Variants in ERC1 observed in about 807,000 individuals in gnomAD.
The protein encoded by ERC1 is RAB6 interacting protein 2.
A neutral mutation model predicts 132.0 loss-of-function variants in ERC1; 56 were observed. The observed-to-expected ratio is 0.42, with a 90% CI of 0.34 to 0.53. ERC1 has a LOEUF of 0.53. Ranked by LOEUF, ERC1 falls within the 20% of genes least tolerant of loss-of-function variation. ERC1 has a pLI of 0.03. For synonymous variants in ERC1, 478 were observed against 476.1 expected, an observed-to-expected ratio of 1.00 and a Z score of -0.05; for missense variants, 1,202 against 1,349.9, an observed-to-expected ratio of 0.89 and a Z score of 1.72.
chr12:1,080,762 T>A (rs1343241117), intron 2 of ERC1, among the ~76,000 whole-genome samples: 8 of 152,178 alleles, frequency 5.3e-5, no homozygotes, highest in Non-Finnish European at 1.2e-4. Flanking sequence ...CTCAGCCATG[T>A]GGAACTGTAA....
intron 15 of ERC1, among the ~76,000 whole-genome samples, chr12:1,304,884 G>C (rs2080744451): frequency 1.4e-5 from 2 of 141,906 alleles, no homozygotes; most frequent in South Asian, 4.6e-4. Context: ...CCGCCTCCCG[G>C]GTTGACGCCA....
At chr12:1,126,709 G>A (rs573947023) in intron 7 of ERC1, among the ~76,000 whole-genome samples, 1 of 152,244 alleles carries the variant, frequency 6.6e-6, no homozygotes, top group East Asian at 1.9e-4. Context: ...GATGCTTGAG[G>A]CTAGGTGTGG....
At chr12:1,479,116 G>A (rs949868785) in intron 18 of ERC1, among the ~76,000 whole-genome samples, 1 of 152,264 alleles carries the variant, frequency 6.6e-6, no homozygotes, top group Non-Finnish European at 1.5e-5. Context: ...GGGTTTTTCC[G>A]TGTTCTCTTT....
intron 18 of ERC1, among the ~76,000 whole-genome samples, chr12:1,487,863 G>A (rs2094256966): frequency 6.6e-6 from 1 of 151,988 alleles, no homozygotes; most frequent in African/African-American, 2.4e-5. Context: ...AAAAGGCCAG[G>A]CGCGGTGACT....
At chr12:1,385,531 C>T (rs185049226) in intron 16 of ERC1, among the ~76,000 whole-genome samples, 20 of 152,240 alleles carry the variant, frequency 1.3e-4, no homozygotes, top group East Asian at 3.9e-4. Flanking sequence ...TGATAACGCC[C>T]GCCTCAGCCT....
chr12:1,410,243 G>A (rs1369442025), intron 17 of ERC1: 3 of 294,166 alleles, frequency 1.0e-5, no homozygotes, highest in Admixed American at 8.3e-5. Flanking sequence ...AATTTTGATA[G>A]TTTAGGGAAT....
intron 17 of ERC1, among the ~76,000 whole-genome samples, chr12:1,432,564 G>T (rs57695485): frequency 0.06 from 9,081 of 152,308 alleles, 395 homozygotes; most frequent in African/African-American, 0.11. Flanking sequence ...ATTATTCCCA[G>T]TTTACAGATG....
intron 18 of ERC1, among the ~76,000 whole-genome samples, chr12:1,488,476 G>T (rs1006512191): frequency 2.0e-5 from 3 of 152,132 alleles, no homozygotes; most frequent in Non-Finnish European, 4.4e-5. Context: ...GATTACTTGA[G>T]CCTGGGCGTT....
chr12:1,126,133 T>G (rs1347656550), intron 7 of ERC1, among the ~76,000 whole-genome samples: 4 of 152,250 alleles, frequency 2.6e-5, no homozygotes, highest in Non-Finnish European at 5.9e-5. Flanking sequence ...TTTATGTCTG[T>G]ATATCTTACC....
At chr12:1,068,968 TGTTTAAATGGAGAAACA>T (rs1939820939) in intron 2 of ERC1, among the ~76,000 whole-genome samples, 1 of 152,216 alleles carries the variant, frequency 6.6e-6, no homozygotes, top group African/African-American at 2.4e-5. Context: ...AATGGTTGTT[TGTTTAAATGGAGAAACA>T]TAAGGTCTTA....
intron 17 of ERC1, among the ~76,000 whole-genome samples, chr12:1,419,909 A>G (rs1047418364): frequency 4.6e-5 from 7 of 150,812 alleles, no homozygotes; most frequent in African/African-American, 1.5e-4. Flanking sequence ...ACTGAATATT[A>G]TTTTGAAAAT....
At position 1,113,607 on chromosome 12, in the gene ERC1, C is replaced by T. The variant is rs562801656; in HGVS notation, c.1401+1309C>T. 1.5e-4 allele frequency among the ~76,000 whole-genome samples: 23 copies of T among 152,246 alleles called. No individual in the cohort carries two copies. In the East Asian group the frequency reaches 3.3e-3, roughly 22 times the overall value. ...TTGTAGATTTGCTATTTATGGTCCA[C>T]TTTATAGTATATATTAAAAAGGGAA... On this transcript the variant is annotated intron_variant, in intron 6 of 18. Transcript: ENST00000360905.
Position 1,289,842 on chromosome 12 carries a change from T to C in ERC1, c.2620-10T>C. On this transcript the variant is annotated splice_polypyrimidine_tract_variant and intron_variant, in intron 14 of 18. Coordinates refer to ENST00000360905, the MANE Select transcript of ERC1 (RefSeq NM_178040.4). The stretch of plus-strand genomic sequence containing the variant: ...ACACTCTGTTGTTCTCTTTCCCATA[T>C]TTATGATAGGTGGAGGAGTTACTGA... 3 of 1,611,980 alleles carry C rather than the reference T, an allele frequency of 1.9e-6. No homozygotes were observed. Among genetic ancestry groups the C allele is most frequent in the Non-Finnish European group, 2.5e-6 (3 of 1,178,264 alleles).
chr12:1,476,237 C>T (rs901987278), intron 18 of ERC1, among the ~76,000 whole-genome samples: 15 of 149,928 alleles, frequency 1.0e-4, no homozygotes, highest in African/African-American at 3.2e-4. Context: ...GCCAGGGCGA[C>T]GGAGCAAGAC....
intron 17 of ERC1, among the ~76,000 whole-genome samples, chr12:1,432,364 G>A (rs1204988449): frequency 6.6e-6 from 1 of 152,226 alleles, no homozygotes; most frequent in East Asian, 1.9e-4. Flanking sequence ...TTCATGGACT[G>A]TAGTGCTGTG....
At chr12:1,356,339 A>G (rs964557519) in intron 15 of ERC1, among the ~76,000 whole-genome samples, 14 of 152,016 alleles carry the variant, frequency 9.2e-5, no homozygotes, top group Non-Finnish European at 4.4e-5. Flanking sequence ...TAGTTTTGAA[A>G]TCTTTACTGC....
chr12:1,245,886 T>G (rs2076127230), intron 13 of ERC1, among the ~76,000 whole-genome samples: 1 of 152,230 alleles, frequency 6.6e-6, no homozygotes, highest in Non-Finnish European at 1.5e-5. Context: ...CTTTTTGGTC[T>G]CAGAAGCCTC....
At chr12:1,346,590 T>C (rs1411125546) in intron 15 of ERC1, among the ~76,000 whole-genome samples, 2 of 152,186 alleles carry the variant, frequency 1.3e-5, no homozygotes, top group Admixed American at 6.5e-5. Context: ...ATAGACTCTA[T>C]CAGTCAGGTA....
chr12:1,445,751 A>G (rs2093288059), intron 18 of ERC1, among the ~76,000 whole-genome samples: 1 of 152,214 alleles, frequency 6.6e-6, no homozygotes. Flanking sequence ...CTGATTTATA[A>G]GGGAGAAGGC....
Sources: allele counts gnomAD v4.1 joint callset (sites outside exome capture counted in the v4.1 genomes callset), GRCh38; gene constraint gnomAD v4.1.1; transcripts MANE v1.5; gene names NCBI Gene and HGNC (gene_info 2026-07-23, HGNC 2026-07-21).